Variants in PALM observed in about 807,000 individuals in gnomAD.
PALM encodes the protein paralemmin-1.
PALM carries 18 observed loss-of-function variants against 30.7 expected under a neutral mutation model. That is an observed-to-expected ratio of 0.59 (90% CI 0.41 to 0.87). The LOEUF (loss-of-function observed/expected upper bound fraction) is 0.87. Among genes scored for constraint, PALM ranks in the 40% least tolerant of loss-of-function variants. The pLI is 0.00. For synonymous variants in PALM, 286 were observed against 242.8 expected (o/e 1.18, Z -1.66); for missense variants, 529 against 555.4 (o/e 0.95, Z 0.48).
At chr19:743,220 G>T (rs896286622) in intron 8 of PALM, among the ~76,000 whole-genome samples, 1 of 152,140 alleles carries the variant, frequency 6.6e-6, no homozygotes, top group African/African-American at 2.4e-5. Context: ...TGTGGCGTTG[G>T]TGGCATCTCA....
At position 730,269 on chromosome 19, in the gene PALM, C is replaced by T. The variant is rs376539990; in HGVS notation, c.270-826C>T. Among the ~76,000 whole-genome samples, 3 of 152,166 alleles carry T rather than the reference C, an allele frequency of 2.0e-5. No homozygotes were observed. The East Asian group carries it at 5.8e-4, about 29-fold the overall frequency. ...AAGTCTGGCTCTGTGTCCAACCTGTCAGCCTGGGCCCACCTTGTTAGACTT... is the reference window on the plus strand; with the variant it reads ...AAGTCTGGCTCTGTGTCCAACCTGTTAGCCTGGGCCCACCTTGTTAGACTT... On this transcript the variant is annotated intron_variant, in intron 4 of 8. Transcript: ENST00000338448.
intron 8 of PALM, among the ~76,000 whole-genome samples, chr19:741,011 T>C (rs986981186): frequency 7.4e-5 from 11 of 148,626 alleles, no homozygotes; most frequent in Non-Finnish European, 1.6e-4. Context: ...TGGTGGTGCG[T>C]GCCTGTGGTC....
intron 1 of PALM, among the ~76,000 whole-genome samples, chr19:725,224 G>A (rs1429383816): frequency 6.6e-6 from 1 of 151,872 alleles, no homozygotes; most frequent in African/African-American, 2.4e-5. Flanking sequence ...ACCAGCCCTG[G>A]GAGGTGAGGC....
At position 721,039 on chromosome 19, in the gene PALM, G is replaced by A. The variant is rs1229604734; in HGVS notation, c.6-5099G>A. On this transcript the variant is annotated intron_variant, in intron 1 of 8. Transcript: ENST00000338448. ...CCAATCTGGCTGTGCCCAGGGCCAC[G>A]CTGTGCCCTCCCTGGACGTGGCTTC... Among the ~76,000 whole-genome samples, 4 of 152,330 alleles carry A rather than the reference G, an allele frequency of 2.6e-5. No individual in the cohort carries two copies. In the South Asian group the frequency reaches 6.2e-4, roughly 24 times the overall value.
rs773712228 is a variant in PALM at position 740,396 on chromosome 19, G to C, written c.547G>C (p.Gly183Arg). 7 of 1,559,398 alleles carry C rather than the reference G, an allele frequency of 4.5e-6. No individual in the cohort carries two copies. The African/African-American group carries it at 9.5e-5, about 21-fold the overall frequency. The change falls in exon 8 of 9, where the codon GGG becomes CGG. Residue 183 changes from glycine (G) to arginine (R), a missense_variant. By Grantham distance (125) the Gly-to-Arg change is moderately radical. Coordinates refer to ENST00000338448, the MANE Select transcript of PALM (RefSeq NM_002579.3). The part of the protein sequence containing the change: ...EITVEKDKVT[G>R]ETRVLSSTTL... ...CACTGTGGAGAAGGACAAGGTGACA[G>C]GGGAGACCAGGGTGCTGTCCAGCAC...
chr19:709,084 C>G lies in PALM; in HGVS notation c.-63C>G, dbSNP rs906580265. On this transcript the variant is annotated 5_prime_UTR_variant, in exon 1 of 9. Transcript: ENST00000338448. This position sits in a 1 kb window ranked among gnomAD's most constrained non-coding sequence, Gnocchi z 4.3. Reference sequence around the variant, plus strand: ...CCGCGTCCCCCTCCCCTCCCCTCCCCCGCGCGCCACCCGCGCCCGCCCCCG... The same window carrying G: ...CCGCGTCCCCCTCCCCTCCCCTCCCGCGCGCGCCACCCGCGCCCGCCCCCG... 1 of 261,452 alleles carries G rather than the reference C, an allele frequency of 3.8e-6. No homozygotes were observed. The allele number at this position is 261,452 out of a possible 1,614,324, so 16.2% of individuals were successfully genotyped here.
At chr19:724,028 G>T (rs1599145336) in intron 1 of PALM, among the ~76,000 whole-genome samples, 1 of 140,944 alleles carries the variant, frequency 7.1e-6, no homozygotes, top group East Asian at 3.5e-4. Flanking sequence ...AAAGCAGTGG[G>T]GTGGGGGTGC....
In PALM at chr19:740,439, AG is replaced by A. The variant is rs1404499967; in HGVS notation, c.591del (p.Gln197HisfsTer31). 1.3e-6 allele frequency: 2 copies of A among 1,552,884 alleles called. No individual in the cohort carries two copies. Among genetic ancestry groups the A allele is most frequent in the Non-Finnish European group, 1.7e-6 (2 of 1,147,878 alleles). ...TCCAGCACCACGCTGCTCCCTCGGC[AG>A]CCGCTCCCTCTGGGCATCAAAGTCT... Reference protein sequence around the residue: ...VLSSTTLLPRQPLPLGIKVYE... With the variant: ...VLSSTTLLPRXPLPLGIKVYE... On this transcript the variant is annotated frameshift_variant, in exon 8 of 9. Coordinates refer to ENST00000338448, the MANE Select transcript of PALM (RefSeq NM_002579.3). LOFTEE classifies it low-confidence loss of function (END_TRUNC).
chr19:719,209 C>T, intron 1 of PALM: 1 of 985,582 alleles, frequency 1.0e-6, no homozygotes, highest in Non-Finnish European at 1.2e-6. Flanking sequence ...ACACACGCCC[C>T]TCCCGCCTCG....
At chr19:727,847 C>A in intron 4 of PALM, 153 bp downstream of exon 4, 1 of 703,200 alleles carries the variant, frequency 1.4e-6, no homozygotes, top group South Asian at 1.9e-5. Flanking sequence ...GAGGGGGACG[C>A]AGGACGGGAC....
At chr19:714,015 C>G (rs572118677) in intron 1 of PALM, among the ~76,000 whole-genome samples, 1 of 151,744 alleles carries the variant, frequency 6.6e-6, no homozygotes, top group African/African-American at 2.4e-5. Flanking sequence ...AGCCATTCCC[C>G]TGTCTCAGCC....
At chr19:731,645 GGT>G (rs2032883489) in intron 5 of PALM, among the ~76,000 whole-genome samples, 1 of 146,610 alleles carries the variant, frequency 6.8e-6, no homozygotes, top group Non-Finnish European at 1.5e-5. Flanking sequence ...CAGGAGACCC[GGT>G]GCTGGTGGGT....
At chr19:718,222 T>C (rs1368865363) in intron 1 of PALM, among the ~76,000 whole-genome samples, 2 of 150,784 alleles carry the variant, frequency 1.3e-5, no homozygotes, top group Non-Finnish European at 3.0e-5. Flanking sequence ...GTGATCCGGG[T>C]GGTGACAGCT....
At position 743,221 on chromosome 19, in the gene PALM, T is replaced by C. The variant is rs2238564; in HGVS notation, c.634+2738T>C. Reference sequence around the variant, plus strand: ...GAGTGGCTTTGGGGTGTGGCGTTGGTGGCATCTCAGCTCTAGCTCTCCCCA... The same window carrying C: ...GAGTGGCTTTGGGGTGTGGCGTTGGCGGCATCTCAGCTCTAGCTCTCCCCA... On this transcript the variant is annotated intron_variant, in intron 8 of 8. Transcript: ENST00000338448. 0.03 allele frequency among the ~76,000 whole-genome samples: 4,538 copies of C among 152,192 alleles called. 375 individuals carry two copies. In the East Asian group the frequency reaches 0.34, roughly 11 times the overall value.
chr19:722,206 G>C lies in PALM; in HGVS notation c.6-3932G>C, dbSNP rs58236586. 1.5e-3 allele frequency among the ~76,000 whole-genome samples: 228 copies of C among 152,068 alleles called. 3 individuals carry two copies. The East Asian group carries it at 0.03, about 20-fold the overall frequency. ...GTGCTGGGATTACAGGCGTGAGCCA[G>C]CGCACCCGGCCTTAAATTTTTATTT... On this transcript the variant is annotated intron_variant, in intron 1 of 8. Coordinates refer to ENST00000338448, the MANE Select transcript of PALM (RefSeq NM_002579.3).
chr19:739,235 AC>A (rs2033116353), intron 7 of PALM, among the ~76,000 whole-genome samples: 1 of 151,580 alleles, frequency 6.6e-6, no homozygotes, highest in African/African-American at 2.4e-5. Flanking sequence ...TAAATAGATG[AC>A]GGCGTGTCCA....
At chr19:721,216 G>A (rs2032467233) in intron 1 of PALM, among the ~76,000 whole-genome samples, 1 of 152,160 alleles carries the variant, frequency 6.6e-6, no homozygotes, top group African/African-American at 2.4e-5. Context: ...GCTGATGGGA[G>A]CCAGGGAGCC....
intron 5 of PALM, among the ~76,000 whole-genome samples, chr19:731,783 C>T (rs2032887631): frequency 6.6e-6 from 1 of 152,150 alleles, no homozygotes; most frequent in Non-Finnish European, 1.5e-5. Flanking sequence ...CCTCAGCCTC[C>T]CAAGTAGCTG....
At chr19:724,309 A>G (rs975011636) in intron 1 of PALM, among the ~76,000 whole-genome samples, 3 of 151,820 alleles carry the variant, frequency 2.0e-5, no homozygotes, top group South Asian at 4.2e-4. Context: ...AGTGGTATTC[A>G]TTCATTCATT....
Sources: gnomAD v4.1 joint callset for allele counts (sites outside exome capture counted in the v4.1 genomes callset) on GRCh38, gnomAD v4.1.1 for gene constraint, Gnocchi (gnomAD v3.1) non-coding constraint, MANE v1.5 for transcripts, NCBI Gene and HGNC (gene_info 2026-07-23, HGNC 2026-07-21) for gene names.